The following PDLIM5 variants were observed in gnomAD, a reference collection of about 807,000 sequenced individuals.
PDLIM5 encodes PDZ and LIM domain protein 5.
A neutral mutation model predicts 64.2 loss-of-function variants in PDLIM5; 34 were observed. The observed-to-expected ratio is 0.53, with a 90% confidence interval of 0.40 to 0.71. The LOEUF (loss-of-function observed/expected upper bound fraction) is 0.71, where lower values mean the gene tolerates loss of function less well. PDLIM5 is among the 30% of genes least tolerant of loss of function. The probability of loss-of-function intolerance (pLI) is 0.00; values close to 1 mark genes in which losing one functional copy is unlikely to be tolerated. For missense variants in PDLIM5, 683 were observed against 733.6 expected (o/e 0.93, Z 0.80); for synonymous variants, 253 against 269.1 (o/e 0.94, Z 0.59).
At position 94,628,628 on chromosome 4, in the gene PDLIM5, C is replaced by T. The variant is rs557675364; in HGVS notation, c.1108+10437C>T. The stretch of plus-strand genomic sequence containing the variant: ...TTTCTCCTTCATTTCTGAAATTAGG[C>T]TGCTTTCTTATTTGTATAAATAGTT... On this transcript the variant is annotated intron_variant, in intron 8 of 12. Coordinates refer to ENST00000317968, the MANE Select transcript of PDLIM5 (RefSeq NM_006457.5). Among the ~76,000 whole-genome samples, 7 of 151,820 alleles carry T rather than the reference C, an allele frequency of 4.6e-5. No homozygotes were observed. The South Asian group carries it at 1.5e-3, about 32-fold the overall frequency.
intron 11 of PDLIM5, among the ~76,000 whole-genome samples, chr4:94,658,575 G>A (rs1180327847): frequency 6.6e-6 from 1 of 152,218 alleles, no homozygotes; most frequent in Non-Finnish European, 1.5e-5. Flanking sequence ...GAAATTCAAA[G>A]CTCTGTGCTG....
chr4:94,531,057 AG>A (rs1730829835), intron 3 of PDLIM5, among the ~76,000 whole-genome samples: 1 of 151,202 alleles, frequency 6.6e-6, no homozygotes, highest in African/African-American at 2.5e-5. Context: ...ATATTTAGTT[AG>A]ATTTTTTTTC....
chr4:94,476,657 A>T (rs1725352615), intron 2 of PDLIM5, among the ~76,000 whole-genome samples: 1 of 152,174 alleles, frequency 6.6e-6, no homozygotes, highest in East Asian at 1.9e-4. Context: ...GTTGTTCTGC[A>T]GTATTGGTTT....
chr4:94,619,912 C>T (rs1412292768), intron 8 of PDLIM5, among the ~76,000 whole-genome samples: 13 of 152,152 alleles, frequency 8.5e-5, no homozygotes, highest in Non-Finnish European at 1.5e-5. Context: ...TGTGAGCTCT[C>T]ATGCTTGGCC....
At chr4:94,641,593 A>G (rs1741009960) in intron 9 of PDLIM5, among the ~76,000 whole-genome samples, 1 of 152,194 alleles carries the variant, frequency 6.6e-6, no homozygotes, top group South Asian at 2.1e-4. Flanking sequence ...CCCACCTCCC[A>G]AGGTAACCTC....
intron 5 of PDLIM5, among the ~76,000 whole-genome samples, chr4:94,576,453 A>C (rs1406063922): frequency 6.6e-6 from 1 of 152,180 alleles, no homozygotes; most frequent in Non-Finnish European, 1.5e-5. Context: ...GGAAATCATG[A>C]ATTTGTAAGG....
At chr4:94,494,483 A>G (rs927056610) in intron 2 of PDLIM5, among the ~76,000 whole-genome samples, 2 of 113,416 alleles carry the variant, frequency 1.8e-5, no homozygotes, top group African/African-American at 3.3e-5. Flanking sequence ...CTGGTCGCCC[A>G]TGCTGGAGTG....
chr4:94,463,208 T>C (rs1318293853), intron 2 of PDLIM5, among the ~76,000 whole-genome samples: 1 of 152,202 alleles, frequency 6.6e-6, no homozygotes, highest in African/African-American at 2.4e-5. Context: ...TTGTTAACTT[T>C]GGAATCTGTT....
chr4:94,456,792 A>G, intron 2 of PDLIM5: 2 of 1,188,198 alleles, frequency 1.7e-6, no homozygotes, highest in East Asian at 5.2e-5. Context: ...TGAAAATACT[A>G]TTTTTGTGCC....
chr4:94,628,775 T>C (rs1739903951), intron 8 of PDLIM5, among the ~76,000 whole-genome samples: 1 of 152,198 alleles, frequency 6.6e-6, no homozygotes, highest in Admixed American at 6.5e-5. Flanking sequence ...TATGTCCTTA[T>C]GGTTTTCTCA....
At chr4:94,563,475 T>A (rs1023132956) in intron 3 of PDLIM5, among the ~76,000 whole-genome samples, 6 of 152,198 alleles carry the variant, frequency 3.9e-5, no homozygotes, top group Admixed American at 2.0e-4. Context: ...TAAGTTGAGA[T>A]TGTGAAGAAT....
At chr4:94,552,813 A>G (rs1460461188) in intron 3 of PDLIM5, among the ~76,000 whole-genome samples, 2 of 152,130 alleles carry the variant, frequency 1.3e-5, no homozygotes, top group Non-Finnish European at 2.9e-5. Flanking sequence ...ATCTAATTTT[A>G]TATGGTGGTA....
rs140966172 is a variant in PDLIM5, at chr4:94,627,616, C to T, written c.1108+9425C>T. Among the ~76,000 whole-genome samples the T allele has an allele frequency of 4.0e-3, 616 of 152,254 alleles. 4 individuals carry two copies. Among genetic ancestry groups the T allele is most frequent in the African/African-American group, 0.014 (584 of 41,550 alleles). ...GTTTTGTTGGAAAACAGCTACGGTA[C>T]GGTTGTTTACGTATTGTTTATGGCT... On this transcript the variant is annotated intron_variant, in intron 8 of 12. Transcript: ENST00000317968.
chr4:94,497,050 C>T (rs1727465450), intron 2 of PDLIM5, among the ~76,000 whole-genome samples: 1 of 152,148 alleles, frequency 6.6e-6, no homozygotes, highest in Admixed American at 6.5e-5. Context: ...AAGTTTGACA[C>T]TTTTAAGCTT....
At chr4:94,473,481 C>T (rs772751334) in intron 2 of PDLIM5, among the ~76,000 whole-genome samples, 14 of 152,054 alleles carry the variant, frequency 9.2e-5, no homozygotes, top group Non-Finnish European at 1.8e-4. Flanking sequence ...AGGCTGGTCT[C>T]GAACTCCTGA....
At chr4:94,612,142 C>T (rs967450109) in intron 7 of PDLIM5, among the ~76,000 whole-genome samples, 3 of 152,050 alleles carry the variant, frequency 2.0e-5, no homozygotes, top group Admixed American at 6.6e-5. Flanking sequence ...CACTTGAACC[C>T]GGGAGGCAGA....
At chr4:94,463,591 G>A (rs1322268577) in intron 2 of PDLIM5, among the ~76,000 whole-genome samples, 1 of 152,118 alleles carries the variant, frequency 6.6e-6, no homozygotes, top group African/African-American at 2.4e-5. Context: ...GTCTCAGGGT[G>A]TGCCAGGTAG....
chr4:94,463,112 A>C (rs1165482894), intron 2 of PDLIM5, among the ~76,000 whole-genome samples: 5 of 152,214 alleles, frequency 3.3e-5, no homozygotes, highest in African/African-American at 9.6e-5. Flanking sequence ...TCCCAGTTAC[A>C]TGGCAAAAGA....
chr4:94,586,400 T>A lies in PDLIM5; in HGVS notation c.884-8T>A. 6.9e-7 allele frequency: 1 copy of A among 1,454,150 alleles called. No homozygotes were observed. The highest frequency in any genetic ancestry group is 9.6e-7 in the Non-Finnish European group (1 of 1,039,762). The allele number at this position is 1,454,150 out of a possible 1,614,324, so 90.1% of individuals were successfully genotyped here. A position where few individuals can be genotyped will look rare whatever the true frequency, so the allele number is the denominator to read the frequency against. ...AACTAATATTGGATATTGCTTATTA[T>A]ATTTCAGTGAAAGAATCTGAAGCCG... On this transcript the variant is annotated splice_polypyrimidine_tract_variant and splice_region_variant and intron_variant, in intron 6 of 12. Transcript: ENST00000317968.
Sources: gnomAD v4.1 joint callset for allele counts (sites outside exome capture counted in the v4.1 genomes callset) on GRCh38, gnomAD v4.1.1 for gene constraint, MANE v1.5 for transcripts, NCBI Gene and HGNC (gene_info 2026-07-23, HGNC 2026-07-21) for gene names.